Variants in DLGAP2 observed in about 807,000 individuals in gnomAD.
The protein encoded by DLGAP2 is disks large-associated protein 2.
A neutral mutation model predicts 100.3 loss-of-function variants in DLGAP2; 26 were observed. The ratio of observed to expected loss-of-function variants is 0.26; its 90% CI spans 0.19 to 0.36. DLGAP2 has a LOEUF of 0.36. Among genes scored for constraint, DLGAP2 ranks in the 10% least tolerant of loss-of-function variants. The pLI is 1.00. For missense variants in DLGAP2, 1,858 were observed against 1,453.2 expected, an observed-to-expected ratio of 1.28 and a Z score of -4.53; for synonymous variants, 886 against 630.1, an observed-to-expected ratio of 1.41 and a Z score of -6.08.
intron 2 of DLGAP2, among the ~76,000 whole-genome samples, chr8:922,037 G>C (rs1336717786): frequency 6.6e-6 from 1 of 152,246 alleles, no homozygotes; most frequent in Admixed American, 6.5e-5. Context: ...GCCCGGGTGT[G>C]GCACAGCTGG....
intron 2 of DLGAP2, among the ~76,000 whole-genome samples, chr8:1,152,821 C>T (rs1437958643): frequency 6.6e-6 from 1 of 152,144 alleles, no homozygotes; most frequent in Non-Finnish European, 1.5e-5. Context: ...CTTAGTGGCT[C>T]TGTGCAAAAA....
chr8:1,374,597 T>C (rs1265172746), intron 3 of DLGAP2, among the ~76,000 whole-genome samples: 1 of 152,208 alleles, frequency 6.6e-6, no homozygotes, highest in Admixed American at 6.5e-5. Context: ...CTTCCTGTGA[T>C]GTAACCATGT....
chr8:1,025,685 A>G (rs1219648930), intron 2 of DLGAP2, among the ~76,000 whole-genome samples: 1 of 152,106 alleles, frequency 6.6e-6, no homozygotes, highest in African/African-American at 2.4e-5. Context: ...GGCTCTGATA[A>G]AGTGCTACTT....
At chr8:1,058,021 A>G (rs1286479873) in intron 2 of DLGAP2, among the ~76,000 whole-genome samples, 4 of 152,212 alleles carry the variant, frequency 2.6e-5, no homozygotes, top group Admixed American at 2.6e-4. Flanking sequence ...CATTCTATCA[A>G]TAGTCTGCTT....
chr8:964,882 G>T lies in DLGAP2; in HGVS notation c.73+56916G>T, dbSNP rs73176507. Among the ~76,000 whole-genome samples, 660 of 152,184 alleles carry T rather than the reference G, an allele frequency of 4.3e-3. 6 individuals carry two copies. Among genetic ancestry groups the T allele is most frequent in the African/African-American group, 0.015 (620 of 41,484 alleles). ...TTGGCTCCGCCTGTGGCCATGCTCC[G>T]GGGGGTACTGCCTTCCCGCTCGCTG... On this transcript the variant is annotated intron_variant, in intron 2 of 14. Transcript: ENST00000637795.
chr8:1,473,648 T>C (rs962573005), intron 3 of DLGAP2, among the ~76,000 whole-genome samples: 4 of 152,200 alleles, frequency 2.6e-5, no homozygotes, highest in African/African-American at 9.7e-5. Context: ...ATGGTTTGGC[T>C]GTGTCCCCAC....
chr8:1,365,999 C>G (rs1015229801), intron 3 of DLGAP2, among the ~76,000 whole-genome samples: 1 of 152,238 alleles, frequency 6.6e-6, no homozygotes, highest in Non-Finnish European at 1.5e-5. Flanking sequence ...CCTCCCCTCA[C>G]GGCACCGTCC....
At chr8:1,170,080 T>C (rs1402713472) in intron 2 of DLGAP2, among the ~76,000 whole-genome samples, 2 of 152,038 alleles carry the variant, frequency 1.3e-5, no homozygotes, top group African/African-American at 4.8e-5. Context: ...TTATTGAGAG[T>C]TTTTAGCATG....
At chr8:1,617,698 C>T (rs762883623) in intron 6 of DLGAP2, among the ~76,000 whole-genome samples, 1 of 152,184 alleles carries the variant, frequency 6.6e-6, no homozygotes, top group Non-Finnish European at 1.5e-5. Context: ...TTTTGCTGTG[C>T]AGAAGCTCTT....
chr8:1,492,224 G>C (rs17063979), intron 3 of DLGAP2, among the ~76,000 whole-genome samples: 21,543 of 152,130 alleles, frequency 0.14, 1,618 homozygotes, highest in South Asian at 0.18. Flanking sequence ...TAATCATTAC[G>C]GCAGTGGCTG....
chr8:1,232,268 G>A (rs1798551128), intron 2 of DLGAP2, among the ~76,000 whole-genome samples: 1 of 152,244 alleles, frequency 6.6e-6, no homozygotes, highest in Non-Finnish European at 1.5e-5. Context: ...CCGTGCTGAG[G>A]AGTGGGTTTT....
chr8:1,201,232 C>T (rs1797865849), intron 2 of DLGAP2, among the ~76,000 whole-genome samples: 1 of 152,182 alleles, frequency 6.6e-6, no homozygotes, highest in Admixed American at 6.5e-5. Context: ...GGGGTGCATG[C>T]ACGCGTGTGA....
At chr8:893,914 T>C (rs1317646884) in intron 1 of DLGAP2, among the ~76,000 whole-genome samples, 2 of 152,220 alleles carry the variant, frequency 1.3e-5, no homozygotes, top group Non-Finnish European at 2.9e-5. Context: ...CCATGGTTAC[T>C]GTTGAAGCAT....
At chr8:1,136,990 C>G (rs1796428350) in intron 2 of DLGAP2, among the ~76,000 whole-genome samples, 1 of 152,172 alleles carries the variant, frequency 6.6e-6, no homozygotes, top group African/African-American at 2.4e-5. Flanking sequence ...AAGATGGTGC[C>G]CAGCCACTGT....
chr8:1,554,304 T>TTAAATAAA (rs67432825), intron 5 of DLGAP2, among the ~76,000 whole-genome samples: 3 of 150,358 alleles, frequency 2.0e-5, no homozygotes, highest in South Asian at 2.1e-4. Context: ...AATAAATTAA[T>TTAAATAAA]TAAATAAATA....
chr8:959,552 C>T (rs535608414), intron 2 of DLGAP2, among the ~76,000 whole-genome samples: 15 of 152,346 alleles, frequency 9.8e-5, no homozygotes, highest in African/African-American at 2.4e-4. Context: ...CTGTGCCCGT[C>T]GTCACAAGGC....
In DLGAP2 at chr8:920,167, G is replaced by A. The variant is rs557637296; in HGVS notation, c.73+12201G>A. On this transcript the variant is annotated intron_variant, in intron 2 of 14. Transcript: ENST00000637795. ...GGGACACACATCAGGCTGTGACCAC[G>A]CATGTCATCCAACAGGAAGCTTGTG... Among the ~76,000 whole-genome samples, 28 of 152,336 alleles carry A rather than the reference G, an allele frequency of 1.8e-4. No individual in the cohort carries two copies. The South Asian group carries it at 4.1e-3, about 23-fold the overall frequency.
Position 1,147,366 on chromosome 8 carries a change from T to G in DLGAP2, c.74-111485T>G, listed in dbSNP as rs118166499. Among the ~76,000 whole-genome samples, 823 of 152,318 alleles carry G rather than the reference T, an allele frequency of 5.4e-3. 25 individuals carry two copies. The highest frequency in any genetic ancestry group is 0.05 in the East Asian group (260 of 5,190). ...TTATTAACTTTGATTCTAGTGATCTTGCTACATTTATGTATTATTTAACTC... is the reference window on the plus strand; with the variant it reads ...TTATTAACTTTGATTCTAGTGATCTGGCTACATTTATGTATTATTTAACTC... On this transcript the variant is annotated intron_variant, in intron 2 of 14. Coordinates refer to ENST00000637795, the MANE Select transcript of DLGAP2 (RefSeq NM_001346810.2).
intron 1 of DLGAP2, among the ~76,000 whole-genome samples, chr8:763,574 A>G (rs1260315827): frequency 6.6e-6 from 1 of 152,190 alleles, no homozygotes; most frequent in Non-Finnish European, 1.5e-5. Context: ...TTGGAGTGAC[A>G]ATTTATGATG....
Sources: allele counts gnomAD v4.1 joint callset (sites outside exome capture counted in the v4.1 genomes callset), GRCh38; gene constraint gnomAD v4.1.1; transcripts MANE v1.5; gene names NCBI Gene and HGNC (gene_info 2026-07-23, HGNC 2026-07-21).